Variants in AMPH observed in about 807,000 individuals in gnomAD.
AMPH encodes amphiphysin (Stiff-Mann syndrome with breast cancer 128kD autoantigen).
In AMPH, 49 loss-of-function variants were observed where a neutral mutation model predicts 99.1. The ratio of observed to expected loss-of-function variants is 0.49; its 90% CI spans 0.39 to 0.63. The LOEUF (loss-of-function observed/expected upper bound fraction) is 0.63. AMPH is among the 20% of genes least tolerant of loss of function. The probability of loss-of-function intolerance (pLI) is 0.00; values close to 1 mark genes in which losing one functional copy is unlikely to be tolerated. For missense variants in AMPH, 759 were observed against 863.4 expected (o/e 0.88, Z 1.52); for synonymous variants, 314 against 317.3 (o/e 0.99, Z 0.11).
At chr7:38,396,893 T>C (rs1400465624) in intron 17 of AMPH, among the ~76,000 whole-genome samples, 1 of 152,256 alleles carries the variant, frequency 6.6e-6, no homozygotes, top group East Asian at 1.9e-4. Flanking sequence ...GTTTCTTCTA[T>C]GTTAAAAACT....
rs1231066637 is a variant in AMPH at position 38,465,559 on chromosome 7, C to T, written c.667-10G>A. ...ACAGTTTGTGGCAAAGCTAAGGGGA[C>T]AGAGGCCACTTGTCTATTAGTCACA... On this transcript the variant is annotated splice_polypyrimidine_tract_variant and intron_variant, in intron 8 of 20. Transcript: ENST00000356264. 2 of 1,571,216 alleles carry T rather than the reference C, an allele frequency of 1.3e-6. No individual in the cohort carries two copies. Among genetic ancestry groups the T allele is most frequent in the Non-Finnish European group, 1.7e-6 (2 of 1,156,130 alleles).
chr7:38,530,104 A>G (rs1024342098), intron 2 of AMPH, among the ~76,000 whole-genome samples: 1 of 152,220 alleles, frequency 6.6e-6, no homozygotes, highest in African/African-American at 2.4e-5. Context: ...ACTCAAAGTG[A>G]TAATTTCTGC....
chr7:38,429,611 A>AT (rs775111462), intron 14 of AMPH: 24 of 1,446,626 alleles, frequency 1.7e-5, no homozygotes, highest in Non-Finnish European at 2.0e-5. Flanking sequence ...AGGAAAAAAA[A>AT]CAAAAACAAA....
intron 1 of AMPH, among the ~76,000 whole-genome samples, chr7:38,610,234 CAAAAAAAAAAAAAAAAAAAAA>C (rs544036143): frequency 0.012 from 75 of 6,120 alleles, 1 homozygote; most frequent in South Asian, 0.061. Flanking sequence ...TAAGCTCTCT[CAAAAAAAAAAAAAAAAAAAAA>C]AAAAAAAAGA....
intron 1 of AMPH, among the ~76,000 whole-genome samples, chr7:38,540,727 C>A (rs1790778969): frequency 1.4e-5 from 1 of 70,352 alleles, no homozygotes; most frequent in South Asian, 5.8e-4. Flanking sequence ...AAAAGCTAGT[C>A]CTACAATCAG....
chr7:38,508,986 C>A (rs554262043), intron 2 of AMPH, among the ~76,000 whole-genome samples: 51 of 152,288 alleles, frequency 3.3e-4, no homozygotes, highest in African/African-American at 1.1e-3. Flanking sequence ...TACAGGCACT[C>A]CTGGCTTACT....
intron 18 of AMPH, 70 bp from the exon 19 acceptor site, chr7:38,392,087 C>T: frequency 1.3e-6 from 2 of 1,520,658 alleles, no homozygotes; most frequent in Non-Finnish European, 1.8e-6. Context: ...CCTGCACAAC[C>T]TGCCTTAGCC....
At chr7:38,454,143 T>TACA (rs1026280228) in intron 11 of AMPH, among the ~76,000 whole-genome samples, 4 of 152,206 alleles carry the variant, frequency 2.6e-5, no homozygotes, top group African/African-American at 9.7e-5. Context: ...ATCTTATGCA[T>TACA]ACAACAGAAG....
intron 17 of AMPH, among the ~76,000 whole-genome samples, chr7:38,411,208 C>G (rs80184054): frequency 6.6e-6 from 1 of 152,134 alleles, no homozygotes; most frequent in African/African-American, 2.4e-5. Context: ...TCCTATTTCA[C>G]GGGACTGCTG....
At chr7:38,457,909 A>C (rs1392885062) in intron 11 of AMPH, among the ~76,000 whole-genome samples, 1 of 151,966 alleles carries the variant, frequency 6.6e-6, no homozygotes, top group East Asian at 1.9e-4. Context: ...TCATAATGTT[A>C]ATTGTTTTCT....
At chr7:38,503,128 TGC>T (rs1190860173) in intron 3 of AMPH, among the ~76,000 whole-genome samples, 1 of 152,240 alleles carries the variant, frequency 6.6e-6, no homozygotes. Flanking sequence ...CAGAAACTCA[TGC>T]TAGGGCCTCT....
At chr7:38,495,600 AT>A (rs34388679) in intron 3 of AMPH, among the ~76,000 whole-genome samples, 47,690 of 147,208 alleles carry the variant, frequency 0.32, 8,438 homozygotes, top group Non-Finnish European at 0.42. Flanking sequence ...CCTGGCTGAG[AT>A]TTTTTTTTTT....
At chr7:38,426,931 T>A in intron 15 of AMPH, 23 bp downstream of exon 15, 1 of 1,610,042 alleles carries the variant, frequency 6.2e-7, no homozygotes, top group South Asian at 1.1e-5. Flanking sequence ...CAGATGGATC[T>A]TGTAAGAAAA....
chr7:38,564,650 C>T (rs1325473613), intron 1 of AMPH, among the ~76,000 whole-genome samples: 1 of 152,148 alleles, frequency 6.6e-6, no homozygotes, highest in Non-Finnish European at 1.5e-5. Flanking sequence ...ACTCCTATTA[C>T]CTAATAGATG....
At chr7:38,590,193 C>T (rs115250944) in intron 1 of AMPH, among the ~76,000 whole-genome samples, 2,539 of 152,220 alleles carry the variant, frequency 0.017, 61 homozygotes, top group African/African-American at 0.051. Flanking sequence ...CTGTGGATCA[C>T]AGAAGAGAAC....
intron 2 of AMPH, among the ~76,000 whole-genome samples, chr7:38,534,658 C>A (rs1441936310): frequency 1.3e-5 from 2 of 152,094 alleles, no homozygotes; most frequent in African/African-American, 2.4e-5. Context: ...CCTGGGCAAT[C>A]TGAATGAGAC....
chr7:38,431,717 G>A (rs533938936), intron 13 of AMPH, among the ~76,000 whole-genome samples: 1 of 151,674 alleles, frequency 6.6e-6, no homozygotes, highest in South Asian at 2.1e-4. Context: ...AGTAGAGTTT[G>A]GACTAAAATC....
rs145195213 is a variant in AMPH at position 38,465,487 on chromosome 7, G to A, written c.729C>T (p.Phe243=). The A allele has an allele frequency of 6.3e-6, 10 of 1,581,322 alleles. No homozygotes were observed. Among genetic ancestry groups the A allele is most frequent in the Non-Finnish European group, 7.7e-6 (9 of 1,161,712 alleles). ...KLGDQHADKA[F]TIQGAPSDSG... ...CCTACCTGGGCGCTCCTTGGATGGT[G>A]AAGGCCTTGTCGGCGTGCTGGTCAC... Residue 243 remains phenylalanine, a synonymous_variant, in exon 9 of 21, where the codon TTC becomes TTT. Transcript: ENST00000356264.
At chr7:38,415,981 C>G (rs2128986393) in intron 17 of AMPH, among the ~76,000 whole-genome samples, 1 of 151,584 alleles carries the variant, frequency 6.6e-6, no homozygotes, top group South Asian at 2.1e-4. Flanking sequence ...ATGAAGCATT[C>G]TTCCAAACAG....
Sources: gnomAD v4.1 joint callset for allele counts (sites outside exome capture counted in the v4.1 genomes callset) on GRCh38, gnomAD v4.1.1 for gene constraint, MANE v1.5 for transcripts, NCBI Gene and HGNC (gene_info 2026-07-23, HGNC 2026-07-21) for gene names.